Variants in DNAJC2 observed in about 807,000 individuals in gnomAD.
The protein encoded by DNAJC2 is DnaJ heat shock protein family (Hsp40) member C2, also known as dnaJ homolog subfamily C member 2.
DNAJC2 carries 32 observed loss-of-function variants against 94.0 expected under a neutral mutation model. The observed-to-expected ratio is 0.34, with a 90% CI of 0.26 to 0.46. The LOEUF (loss-of-function observed/expected upper bound fraction) is 0.46, where lower values mean the gene tolerates loss of function less well. Ranked by LOEUF, DNAJC2 falls within the 20% of genes least tolerant of loss-of-function variation. The pLI is 1.00. For synonymous variants in DNAJC2, 210 were observed against 229.7 expected, an observed-to-expected ratio of 0.91 and a Z score of 0.77; for missense variants, 550 against 719.5, an observed-to-expected ratio of 0.76 and a Z score of 2.69.
In DNAJC2 at chr7:103,317,008, C is replaced by T. The variant is rs755749192; in HGVS notation, c.1249G>A (p.Glu417Lys). 9.3e-6 allele frequency: 15 copies of T among 1,612,462 alleles called. No individual in the cohort carries two copies. Among genetic ancestry groups the T allele is most frequent in the Admixed American group, 1.7e-5 (1 of 59,874 alleles). ...TCTTTTCTGATTTGCTCATTTATTT[C>T]TTCTATCTGCACAAATATCATAAGT... ...GKAALEKQIEEINEQIRKEKE... is the reference protein window; with the variant it reads ...GKAALEKQIEKINEQIRKEKE... Residue 417 changes from glutamate (E) to lysine (K), a missense_variant, in exon 13 of 17, where the codon GAA (glutamate) becomes AAA (lysine). By Grantham distance (56) the Glu-to-Lys change is moderately conservative. Around this residue, in one of 2 missense-constraint regions of DNAJC2, gnomAD observed 271 missense variants for 302.6 expected, o/e 0.90. Transcript: ENST00000379263.
In DNAJC2 at chr7:103,327,666, G is replaced by A; in HGVS notation, c.420C>T (p.Cys140=). The A allele has an allele frequency of 6.3e-7, 1 of 1,594,062 alleles. No homozygotes were observed. Among genetic ancestry groups the A allele is most frequent in the Middle Eastern group, 1.7e-4 (1 of 6,006 alleles). ...AAAGCATTTTCTTACCTTTAGTTAT[G>A]CAAGTGAAGTAGTCATTATCTCCTT... ...IKEGDNDYFT[C]ITKAYEMLSD... The change falls in exon 4 of 17, where the codon TGC becomes TGT. Residue 140 remains cysteine (C), a synonymous_variant. Transcript: ENST00000379263.
At chr7:103,330,961 T>C (rs998800106) in intron 3 of DNAJC2, among the ~76,000 whole-genome samples, 7 of 151,470 alleles carry the variant, frequency 4.6e-5, no homozygotes, top group African/African-American at 1.7e-4. Context: ...ATGAACAAAA[T>C]CCATTTTTTT....
intron 2 of DNAJC2, among the ~76,000 whole-genome samples, chr7:103,339,039 A>G (rs534401415): frequency 6.6e-6 from 1 of 152,384 alleles, no homozygotes; most frequent in Non-Finnish European, 1.5e-5. Flanking sequence ...GATTTAAAAA[A>G]TAAACAAACA....
intron 5 of DNAJC2, among the ~76,000 whole-genome samples, chr7:103,325,765 CTT>C (rs1818671291): frequency 6.6e-6 from 1 of 152,108 alleles, no homozygotes; most frequent in East Asian, 1.9e-4. Flanking sequence ...TTAAAACAAA[CTT>C]TAATGAAATA....
chr7:103,322,764 C>G lies in DNAJC2; in HGVS notation c.750G>C (p.Gln250His), dbSNP rs753740660. 11 of 1,607,530 alleles carry G rather than the reference C, an allele frequency of 6.8e-6. No individual in the cohort carries two copies. The highest frequency in any genetic ancestry group is 5.5e-5 in the South Asian group (5 of 91,010). ...TTCTTTGTGCTCTTGTTGCTCTGTTCTGCTTTTCAATCCATCTCCTCTCAT... is the reference window on the plus strand; with the variant it reads ...TTCTTTGTGCTCTTGTTGCTCTGTTGTGCTTTTCAATCCATCTCCTCTCAT... ...CRDERRWIEK[Q>H]NRATRAQRKK... Residue 250 changes from glutamine to histidine, a missense_variant, in exon 8 of 17, where the codon CAG becomes CAC. This residue lies in a region of DNAJC2 where 279 missense variants were observed against 416.9 expected (regional missense o/e 0.67). Transcript: ENST00000379263.
intron 15 of DNAJC2, 67 bp downstream of exon 15, chr7:103,315,697 G>C (rs1472760876): frequency 2.9e-6 from 3 of 1,049,928 alleles, no homozygotes; most frequent in East Asian, 4.8e-5. Flanking sequence ...TAGACCCTAA[G>C]TCTTGTACGT....
chr7:103,338,139 G>GT (rs1345175712), intron 2 of DNAJC2, among the ~76,000 whole-genome samples: 1 of 151,970 alleles, frequency 6.6e-6, no homozygotes, highest in African/African-American at 2.4e-5. Flanking sequence ...GTGTGGTGGT[G>GT]TGCACCTGTA....
At position 103,324,523 on chromosome 7, in the gene DNAJC2, C is replaced by A; in HGVS notation, c.612G>T (p.Met204Ile). The stretch of plus-strand genomic sequence containing the variant: ...TATCTACATCTTCAAATGATGAATT[C>A]ATATCACCAAGTTTAGGAACATTTT... ...NKKNVPKLGD[M>I]NSSFEDVDIF... Residue 204 changes from methionine (M) to isoleucine (I), a missense_variant, in exon 6 of 17, where the codon ATG becomes ATT. By Grantham distance (10) the Met-to-Ile change is conservative. Around this residue, in one of 2 missense-constraint regions of DNAJC2, gnomAD observed 279 missense variants for 416.9 expected, o/e 0.67. Transcript: ENST00000379263. The A allele has an allele frequency of 6.7e-7, 1 of 1,494,218 alleles. No individual in the cohort carries two copies. Among genetic ancestry groups the A allele is most frequent in the South Asian group, 1.3e-5 (1 of 77,758 alleles). 92.6% of individuals were successfully genotyped at this position (1,494,218 alleles called of 1,614,324 possible).
At chr7:103,337,589 G>A (rs1448082725) in intron 3 of DNAJC2, 147 bp downstream of exon 3, 105 of 601,098 alleles carry the variant, frequency 1.7e-4, no homozygotes, top group East Asian at 3.0e-5. Flanking sequence ...AGGGGAGACC[G>A]TGGTTTTTTG....
chr7:103,316,148 C>T, intron 13 of DNAJC2, 60 bp from the exon 14 acceptor site: 2 of 1,096,520 alleles, frequency 1.8e-6, no homozygotes, highest in Non-Finnish European at 2.6e-6. Context: ...AATGAAACGA[C>T]AAAAACCATT....
At chr7:103,344,328 G>A (rs1819512556) in intron 1 of DNAJC2, 1 of 584,232 alleles carries the variant, frequency 1.7e-6, no homozygotes, top group Non-Finnish European at 3.0e-6. Context: ...GCAGCGGCGA[G>A]AGGAGGAAGC....
intron 15 of DNAJC2, among the ~76,000 whole-genome samples, chr7:103,315,518 T>C (rs1017634466): frequency 2.0e-5 from 3 of 152,200 alleles, no homozygotes; most frequent in African/African-American, 7.2e-5. Flanking sequence ...AACACTGTTT[T>C]GTAAAACCTG....
intron 2 of DNAJC2, among the ~76,000 whole-genome samples, chr7:103,338,236 C>T (rs532650399): frequency 2.7e-5 from 4 of 147,900 alleles, no homozygotes; most frequent in African/African-American, 1.0e-4. Flanking sequence ...TGCCACTGCA[C>T]TCCAGGATAG....
At chr7:103,317,682 AC>A (rs1334459257) in intron 12 of DNAJC2, among the ~76,000 whole-genome samples, 1 of 151,926 alleles carries the variant, frequency 6.6e-6, no homozygotes, top group Non-Finnish European at 1.5e-5. Flanking sequence ...GCAGAGTCTC[AC>A]TCTGTCGCCC....
Position 103,312,302 on chromosome 7 carries a change from T to C in DNAJC2, c.*267A>G, listed in dbSNP as rs1456770162. Reference sequence around the variant, plus strand: ...TCCTAATCAAGATTGTTTGAACACATGTATTTATAAAACAGAGCTAGAGAA... The same window carrying C: ...TCCTAATCAAGATTGTTTGAACACACGTATTTATAAAACAGAGCTAGAGAA... On this transcript the variant is annotated 3_prime_UTR_variant, in exon 17 of 17. Coordinates refer to ENST00000379263, the MANE Select transcript of DNAJC2 (RefSeq NM_014377.3). The C allele has an allele frequency of 3.7e-6, 6 of 1,605,514 alleles. No individual in the cohort carries two copies. The East Asian group carries it at 1.3e-4, about 36-fold the overall frequency.
In DNAJC2 at chr7:103,341,726, A is replaced by G. The variant is rs765860339; in HGVS notation, c.255+38T>C. 1.4e-5 allele frequency: 20 copies of G among 1,473,528 alleles called. No individual in the cohort carries two copies. The African/African-American group carries it at 2.8e-4, about 21-fold the overall frequency. 91.3% of individuals were successfully genotyped at this position (1,473,528 alleles called of 1,614,324 possible). On this transcript the variant is annotated intron_variant, in intron 2 of 16. Coordinates refer to ENST00000379263, the MANE Select transcript of DNAJC2 (RefSeq NM_014377.3). ...ATAAGAAAATTGTCTATGTCTAACA[A>G]AGCATCTGACTGAACAAAATATTCA...
At chr7:103,315,957 T>TA in intron 14 of DNAJC2, 31 bp downstream of exon 14, 1 of 1,564,878 alleles carries the variant, frequency 6.4e-7, no homozygotes, top group Non-Finnish European at 8.7e-7. Flanking sequence ...AATAGGTGTT[T>TA]AAAGTAACAA....
chr7:103,342,075 C>T (rs532222775), intron 1 of DNAJC2, 121 bp from the exon 2 acceptor site: 572 of 652,756 alleles, frequency 8.8e-4, no homozygotes, highest in Middle Eastern at 4.5e-3. Context: ...CTTTTAAAAC[C>T]ACCGACTACG....
intron 6 of DNAJC2, 107 bp downstream of exon 6, chr7:103,324,375 G>T: frequency 1.0e-6 from 1 of 994,870 alleles, no homozygotes; most frequent in Non-Finnish European, 1.4e-6. Context: ...GTTCAGTGAA[G>T]GTTCTGCAAT....
Sources: gnomAD v4.1 joint callset for allele counts (sites outside exome capture counted in the v4.1 genomes callset) on GRCh38, gnomAD v4.1.1 for gene constraint, gnomAD v4.1.1 regional missense constraint, MANE v1.5 for transcripts, NCBI Gene and HGNC (gene_info 2026-07-23, HGNC 2026-07-21) for gene names.